Variants in BAIAP2L1 observed in about 807,000 individuals in gnomAD.
BAIAP2L1 encodes BAR/IMD domain containing adaptor protein 2 like 1.
A neutral mutation model predicts 66.3 loss-of-function variants in BAIAP2L1; 35 were observed. The observed-to-expected ratio is 0.53, with a 90% confidence interval of 0.40 to 0.70. The LOEUF is 0.70. BAIAP2L1 is among the 30% of genes least tolerant of loss of function. BAIAP2L1 has a pLI of 0.00. For missense variants in BAIAP2L1, 622 were observed against 656.9 expected, an observed-to-expected ratio of 0.95 and a Z score of 0.58; for synonymous variants, 269 against 248.7, an observed-to-expected ratio of 1.08 and a Z score of -0.77.
At chr7:98,351,314 C>G (rs976292986) in intron 3 of BAIAP2L1, among the ~76,000 whole-genome samples, 1 of 152,234 alleles carries the variant, frequency 6.6e-6, no homozygotes, top group Non-Finnish European at 1.5e-5. Context: ...TGCCCTTTCA[C>G]TGAAAGTTGT....
At chr7:98,364,985 T>TTAAAAAAAAAAA (rs1802358351) in intron 1 of BAIAP2L1, among the ~76,000 whole-genome samples, 1 of 20,434 alleles carries the variant, frequency 4.9e-5, no homozygotes, top group Non-Finnish European at 9.7e-5. Flanking sequence ...AGGATATGTC[T>TTAAAAAAAAAAA]CAAAAAAAAA....
At chr7:98,391,663 C>T (rs1404918436) in intron 1 of BAIAP2L1, among the ~76,000 whole-genome samples, 3 of 146,432 alleles carry the variant, frequency 2.0e-5, no homozygotes, top group Non-Finnish European at 4.4e-5. Flanking sequence ...GAGCCGAGAT[C>T]GTGCCACTGC....
chr7:98,300,540 T>C (rs1800378517), intron 12 of BAIAP2L1, among the ~76,000 whole-genome samples: 1 of 152,224 alleles, frequency 6.6e-6, no homozygotes, highest in Non-Finnish European at 1.5e-5. Flanking sequence ...AAGAAGCTGC[T>C]GGCTGAGATT....
chr7:98,384,048 G>C (rs1180161129), intron 1 of BAIAP2L1, among the ~76,000 whole-genome samples: 1 of 151,948 alleles, frequency 6.6e-6, no homozygotes, highest in Non-Finnish European at 1.5e-5. Context: ...CAGCTACTCA[G>C]GAGGCTGAGG....
intron 1 of BAIAP2L1, among the ~76,000 whole-genome samples, chr7:98,397,363 C>A (rs1047143369): frequency 7.5e-6 from 1 of 133,110 alleles, no homozygotes; most frequent in African/African-American, 2.9e-5. Context: ...CTCGCTCTGT[C>A]GCCCAGGCTG....
At chr7:98,313,873 T>A (rs995632499) in intron 7 of BAIAP2L1, among the ~76,000 whole-genome samples, 6 of 149,904 alleles carry the variant, frequency 4.0e-5, no homozygotes, top group Non-Finnish European at 8.9e-5. Flanking sequence ...CAAGTGATCC[T>A]CCTGCCTTGG....
intron 11 of BAIAP2L1, among the ~76,000 whole-genome samples, chr7:98,304,830 GT>G (rs1221718380): frequency 2.0e-5 from 3 of 149,902 alleles, no homozygotes; most frequent in Non-Finnish European, 4.4e-5. Flanking sequence ...AAACACTAAT[GT>G]TTTTAGTGGT....
intron 1 of BAIAP2L1, among the ~76,000 whole-genome samples, chr7:98,372,537 CTAAG>C (rs1802533944): frequency 1.3e-5 from 2 of 152,076 alleles, no homozygotes; most frequent in Admixed American, 1.3e-4. Flanking sequence ...TTAAGAATCT[CTAAG>C]TAAATATGCA....
At chr7:98,321,227 T>C (rs887219756) in intron 3 of BAIAP2L1, among the ~76,000 whole-genome samples, 1 of 152,192 alleles carries the variant, frequency 6.6e-6, no homozygotes, top group Non-Finnish European at 1.5e-5. Flanking sequence ...AATTTTGAAA[T>C]TGTCTCACAA....
In BAIAP2L1 at chr7:98,292,114, G is replaced by A. The variant is rs1208397575; in HGVS notation, c.*1407C>T. ...ATGGTAACACTGCTGGACCTGGCTG[G>A]AAGGAGCCTGAAGCATCGGCCACGT... On this transcript the variant is annotated 3_prime_UTR_variant, in exon 14 of 14. Transcript: ENST00000005260. 1 of 154,832 alleles carries A rather than the reference G, an allele frequency of 6.5e-6. No individual in the cohort carries two copies. Among genetic ancestry groups the A allele is most frequent in the East Asian group, 1.9e-4 (1 of 5,232 alleles). 9.6% of individuals were successfully genotyped at this position (154,832 alleles called of 1,614,324 possible). A position where few individuals can be genotyped will look rare whatever the true frequency, so the allele number is the denominator to read the frequency against.
intron 3 of BAIAP2L1, chr7:98,322,819 CA>C (rs1801286148): frequency 6.6e-6 from 1 of 152,282 alleles, no homozygotes; most frequent in Non-Finnish European, 1.5e-5. Context: ...GGGATCTTTC[CA>C]AAATGCAGGC....
intron 1 of BAIAP2L1, among the ~76,000 whole-genome samples, chr7:98,367,515 C>A (rs915080303): frequency 1.3e-5 from 2 of 148,518 alleles, no homozygotes; most frequent in African/African-American, 4.9e-5. Context: ...GGATTATAGG[C>A]GCGCACCACC....
At chr7:98,380,805 C>CACCACCCA (rs372912635) in intron 1 of BAIAP2L1, among the ~76,000 whole-genome samples, 33 of 151,090 alleles carry the variant, frequency 2.2e-4, no homozygotes, top group African/African-American at 6.3e-4. Flanking sequence ...CCACCATCGC[C>CACCACCCA]ACCACCCAAC....
At chr7:98,367,529 C>T (rs1334416273) in intron 1 of BAIAP2L1, among the ~76,000 whole-genome samples, 3 of 122,558 alleles carry the variant, frequency 2.4e-5, no homozygotes, top group African/African-American at 8.4e-5. Flanking sequence ...CACCACCACA[C>T]CTGGCTTTTT....
intron 7 of BAIAP2L1, among the ~76,000 whole-genome samples, chr7:98,314,633 C>A (rs1010424608): frequency 6.6e-6 from 1 of 152,160 alleles, no homozygotes; most frequent in Non-Finnish European, 1.5e-5. Context: ...AAACCAGGAA[C>A]CAATACCACC....
At chr7:98,394,037 A>T (rs946826326) in intron 1 of BAIAP2L1, among the ~76,000 whole-genome samples, 1 of 151,936 alleles carries the variant, frequency 6.6e-6, no homozygotes, top group African/African-American at 2.4e-5. Flanking sequence ...AGGTCAGGAG[A>T]TGGAGACCAT....
intron 2 of BAIAP2L1, among the ~76,000 whole-genome samples, chr7:98,359,322 G>A (rs998974303): frequency 6.6e-5 from 10 of 150,428 alleles, no homozygotes; most frequent in Admixed American, 1.3e-4. Context: ...CACTAGGCTG[G>A]AGTGCAATGG....
chr7:98,303,771 T>C (rs966557395), intron 12 of BAIAP2L1, among the ~76,000 whole-genome samples: 1 of 152,188 alleles, frequency 6.6e-6, no homozygotes, highest in Admixed American at 6.5e-5. Context: ...AAAGATAACA[T>C]CCACAGTGCC....
chr7:98,303,117 C>T (rs1800494404), intron 12 of BAIAP2L1, among the ~76,000 whole-genome samples: 1 of 152,200 alleles, frequency 6.6e-6, no homozygotes, highest in Non-Finnish European at 1.5e-5. Context: ...GTTTCAAAAG[C>T]TAGCATTCCT....
Sources: allele counts gnomAD v4.1 joint callset (sites outside exome capture counted in the v4.1 genomes callset), GRCh38; gene constraint gnomAD v4.1.1; transcripts MANE v1.5; gene names NCBI Gene and HGNC (gene_info 2026-07-23, HGNC 2026-07-21).